The following ACTN3 variants were observed in gnomAD, a reference collection of about 807,000 sequenced individuals.
The protein encoded by ACTN3 is alpha-actinin-3.
In ACTN3, 91 loss-of-function variants were observed where a neutral mutation model predicts 119.6. That is an observed-to-expected ratio of 0.76 (90% CI 0.64 to 0.91). ACTN3 has a LOEUF of 0.91. Among genes scored for constraint, ACTN3 ranks in the 40% least tolerant of loss-of-function variants. The pLI is 0.00. For synonymous variants in ACTN3, 456 were observed against 478.8 expected, an observed-to-expected ratio of 0.95 and a Z score of 0.62; for missense variants, 1,221 against 1,215.1, an observed-to-expected ratio of 1.00 and a Z score of -0.07.
chr11:66,559,083 G>A (rs1857670555), intron 11 of ACTN3, 153 bp from the exon 12 acceptor site: 1 of 753,778 alleles, frequency 1.3e-6, no homozygotes, highest in South Asian at 5.1e-5. Context: ...TTTCACCTAC[G>A]TTATTACACC....
At position 66,558,118 on chromosome 11, in the gene ACTN3, A is replaced by G; in HGVS notation, c.1220A>G (p.Gln407Arg). Residue 407 changes from glutamine (Q) to arginine (R), a missense_variant, in exon 11 of 21, where the codon CAG (glutamine) becomes CGG (arginine). Around this residue, in one of 3 missense-constraint regions of ACTN3, gnomAD observed 934 missense variants for 899.9 expected, o/e 1.04. Coordinates refer to ENST00000513398, the MANE Select transcript of ACTN3 (RefSeq NM_001104.4). ...LSEIRRLQRL[Q>R]HLAEKFRQKA... ...GAGATCCGGCGCCTGCAGCGACTCCAGCACCTGGCTGAGAAGTTCCGGCAG... is the reference window on the plus strand; with the variant it reads ...GAGATCCGGCGCCTGCAGCGACTCCGGCACCTGGCTGAGAAGTTCCGGCAG... The G allele has an allele frequency of 6.2e-7, 1 of 1,613,938 alleles. No homozygotes were observed. The highest frequency in any genetic ancestry group is 1.1e-5 in the South Asian group (1 of 91,086).
At chr11:66,554,763 A>T in intron 5 of ACTN3, 140 bp downstream of exon 5, 3 of 710,274 alleles carry the variant, frequency 4.2e-6, no homozygotes, top group Non-Finnish European at 6.9e-6. Flanking sequence ...TTCCTGGAAC[A>T]GTGTCTGAAA....
intron 1 of ACTN3, among the ~76,000 whole-genome samples, chr11:66,549,661 G>A (rs1330601860): frequency 1.4e-5 from 2 of 146,042 alleles, no homozygotes; most frequent in Admixed American, 1.4e-4. Flanking sequence ...AACCAGGGAG[G>A]CAGAGGTTGC....
chr11:66,556,074 C>A, intron 7 of ACTN3, 71 bp from the exon 8 acceptor site: 5 of 1,418,112 alleles, frequency 3.5e-6, no homozygotes, highest in South Asian at 1.3e-5. Flanking sequence ...GCCCTCCCAC[C>A]CAGAGAGAGT....
At chr11:66,555,834 G>A (rs572215031) in intron 7 of ACTN3, among the ~76,000 whole-genome samples, 6 of 152,198 alleles carry the variant, frequency 3.9e-5, no homozygotes, top group Admixed American at 6.5e-5. Context: ...CACACAGACC[G>A]AGGGAGGTAT....
At chr11:66,549,467 C>T (rs2134916218) in intron 1 of ACTN3, among the ~76,000 whole-genome samples, 1 of 152,268 alleles carries the variant, frequency 6.6e-6, no homozygotes, top group African/African-American at 2.4e-5. Flanking sequence ...AGTGGTGGCT[C>T]ATGCCTGTAA....
In ACTN3 at chr11:66,559,229, T is replaced by C; in HGVS notation, c.1277-7T>C. The C allele has an allele frequency of 6.7e-7, 1 of 1,502,660 alleles. No homozygotes were observed. The allele number at this position is 1,502,660 out of a possible 1,614,324, so 93.1% of individuals were successfully genotyped here. A position where few individuals can be genotyped will look rare whatever the true frequency, so the allele number is the denominator to read the frequency against. Reference sequence around the variant, plus strand: ...TGGGTGACCGGAGCCGGCATCTCTTTGAGCAGGAAAGGAGGAGATGCTGAG... The same window carrying C: ...TGGGTGACCGGAGCCGGCATCTCTTCGAGCAGGAAAGGAGGAGATGCTGAG... On this transcript the variant is annotated splice_region_variant and splice_polypyrimidine_tract_variant and intron_variant, in intron 11 of 20. Coordinates refer to ENST00000513398, the MANE Select transcript of ACTN3 (RefSeq NM_001104.4).
At chr11:66,550,660 CAA>C (rs965090344) in intron 1 of ACTN3, among the ~76,000 whole-genome samples, 30 of 152,182 alleles carry the variant, frequency 2.0e-4, no homozygotes, top group Admixed American at 1.1e-3. Context: ...TCTAAAAAAA[CAA>C]AATGAGATCA....
At chr11:66,546,541 AG>A, upstream of ACTN3, 1 of 1,535,382 alleles carries the variant, frequency 6.5e-7, no homozygotes, top group Non-Finnish European at 8.7e-7. Flanking sequence ...CCCACCAGCG[AG>A]GTGCTGGAAG....
chr11:66,560,374 C>A, intron 14 of ACTN3, 63 bp downstream of exon 14: 1 of 1,562,138 alleles, frequency 6.4e-7, no homozygotes, highest in Non-Finnish European at 8.7e-7. Flanking sequence ...AATTCTGCCA[C>A]CCACAACTTT....
chr11:66,546,962 G>A lies in ACTN3; in HGVS notation c.25G>A (p.Gly9Ser). ...GATGATGATGGTTATGCAGCCCGAG[G>A]GTCTGGGGGCCGGGGAGGGGCGCTT... MMMVMQPE[G>S]LGAGEGRFAG... is the part of the protein sequence containing the mutation. The change falls in exon 1 of 21, where the codon GGT (glycine) becomes AGT (serine). Residue 9 changes from glycine (G) to serine (S), a missense_variant. Gly to Ser is a moderately conservative substitution (Grantham distance 56, BLOSUM62 0). Coordinates refer to ENST00000513398, the MANE Select transcript of ACTN3 (RefSeq NM_001104.4). 6.5e-7 allele frequency: 1 copy of A among 1,531,390 alleles called. No individual in the cohort carries two copies. Among genetic ancestry groups the A allele is most frequent in the Non-Finnish European group, 8.7e-7 (1 of 1,143,330 alleles). The allele number at this position is 1,531,390 out of a possible 1,614,324, so 94.9% of individuals were successfully genotyped here. A position where few individuals can be genotyped will look rare whatever the true frequency, so the allele number is the denominator to read the frequency against.
At position 66,562,255 on chromosome 11, in the gene ACTN3, A is replaced by G. The variant is rs1238052415; in HGVS notation, c.2323-2A>G. ...AGCCTGATAACCACTCACCCCCTAC[A>G]GAAGCAGAATGGGATGATGGAGCCT... On this transcript the variant is annotated splice_acceptor_variant, in intron 18 of 20. Coordinates refer to ENST00000513398, the MANE Select transcript of ACTN3 (RefSeq NM_001104.4). LOFTEE classifies it high-confidence loss of function. 1 of 1,613,694 alleles carries G rather than the reference A, an allele frequency of 6.2e-7. No homozygotes were observed. Among genetic ancestry groups the G allele is most frequent in the African/African-American group, 1.3e-5 (1 of 74,894 alleles).
rs755781162 is a variant in ACTN3, at chr11:66,563,219, A to G, written c.*26A>G. ...CCCCAACCACTGAGGTTCTCTATGC[A>G]AGATGGAGAGAGGATGCACCCTGTG... On this transcript the variant is annotated 3_prime_UTR_variant, in exon 21 of 21. Coordinates refer to ENST00000513398, the MANE Select transcript of ACTN3 (RefSeq NM_001104.4). The G allele has an allele frequency of 2.9e-5, 45 of 1,575,714 alleles. No homozygotes were observed. The highest frequency in any genetic ancestry group is 2.1e-4 in the Middle Eastern group (1 of 4,726).
chr11:66,560,508 T>C, intron 14 of ACTN3, 65 bp from the exon 15 acceptor site: 2 of 1,547,074 alleles, frequency 1.3e-6, no homozygotes, highest in Non-Finnish European at 1.7e-6. Flanking sequence ...GGCACACTGC[T>C]GCCCTTTCTG....
In ACTN3 at chr11:66,562,967, C is replaced by T. The variant is rs183665329; in HGVS notation, c.2547+13C>T. The stretch of plus-strand genomic sequence containing the variant: ...GGCAGGAGACAAGGTGAGTCCCAGG[C>T]GGTGGAGGGGCTGGTGGGCTAGGGC... On this transcript the variant is annotated intron_variant, in intron 20 of 20. Coordinates refer to ENST00000513398, the MANE Select transcript of ACTN3 (RefSeq NM_001104.4). 2.5e-5 allele frequency: 40 copies of T among 1,610,562 alleles called. No homozygotes were observed. In the African/African-American group the frequency reaches 4.4e-4, roughly 18 times the overall value.
chr11:66,561,438 C>T lies in ACTN3; in HGVS notation c.1996-20C>T. 6.2e-7 allele frequency: 1 copy of T among 1,600,470 alleles called. No individual in the cohort carries two copies. The highest frequency in any genetic ancestry group is 8.5e-7 in the Non-Finnish European group (1 of 1,173,706). On this transcript the variant is annotated intron_variant, in intron 16 of 20. Coordinates refer to ENST00000513398, the MANE Select transcript of ACTN3 (RefSeq NM_001104.4). ...CCACAGGGAGTTGGGAGCCCTCATG[C>T]TGCCTGGGAACCCCTGCAGGAAGTG...
chr11:66,548,393 G>T (rs1343936988), intron 1 of ACTN3, among the ~76,000 whole-genome samples: 1 of 151,968 alleles, frequency 6.6e-6, no homozygotes, highest in Non-Finnish European at 1.5e-5. Context: ...CCGAGATCCA[G>T]GTCTGCGTGC....
Position 66,558,141 on chromosome 11 carries a change from CAGA to C in ACTN3, c.1246_1248del (p.Lys416del). 1.2e-6 allele frequency: 2 copies of C among 1,613,806 alleles called. No individual in the cohort carries two copies. Among genetic ancestry groups the C allele is most frequent in the Non-Finnish European group, 8.5e-7 (1 of 1,179,904 alleles). The stretch of plus-strand genomic sequence containing the variant: ...CCAGCACCTGGCTGAGAAGTTCCGG[CAGA>C]AGGCCTCCCTGCACGAAGCCTGGAC... On this transcript the variant is annotated inframe_deletion, in exon 11 of 21. Coordinates refer to ENST00000513398, the MANE Select transcript of ACTN3 (RefSeq NM_001104.4).
chr11:66,559,743 A>C (rs1328786894), intron 12 of ACTN3, among the ~76,000 whole-genome samples: 19 of 24,634 alleles, frequency 7.7e-4, no homozygotes, highest in African/African-American at 1.2e-3. Flanking sequence ...CCGCCCCTCC[A>C]CCCAAGCACC....
Sources: gnomAD v4.1 joint callset for allele counts (sites outside exome capture counted in the v4.1 genomes callset) on GRCh38, gnomAD v4.1.1 for gene constraint, gnomAD v4.1.1 regional missense constraint, MANE v1.5 for transcripts, NCBI Gene and HGNC (gene_info 2026-07-23, HGNC 2026-07-21) for gene names.